CHPT1: variants seen among roughly 807,000 people sequenced by gnomAD.
CHPT1 encodes cholinephosphotransferase 1.
In CHPT1, 36 loss-of-function variants were observed where a neutral mutation model predicts 47.6. The ratio of observed to expected loss-of-function variants is 0.76; its 90% CI spans 0.58 to 1.00. The LOEUF (loss-of-function observed/expected upper bound fraction) is 1.00, where lower values mean the gene tolerates loss of function less well. CHPT1 is among the 50% of genes least tolerant of loss of function. The pLI is 0.00. For synonymous variants in CHPT1, 194 were observed against 186.3 expected (o/e 1.04, Z -0.33); for missense variants, 458 against 498.1 (o/e 0.92, Z 0.77).
chr12:101,728,837 A>AC (rs536338143), intron 8 of CHPT1, 64 bp from the exon 9 acceptor site: 231 of 1,572,236 alleles, frequency 1.5e-4, no homozygotes, highest in Non-Finnish European at 2.0e-4. Flanking sequence ...TGTTACAATT[A>AC]AACTATTCTA....
chr12:101,720,097 ATTGT>A lies in CHPT1; in HGVS notation c.649-23_649-20del, dbSNP rs758375136. ...AAAAAACCAAAATTCTGTTGTCTTA[ATTGT>A]TTCTTTCTTCTACCCCTAAAGATTC... On this transcript the variant is annotated intron_variant, in intron 4 of 8. Coordinates refer to ENST00000229266, the MANE Select transcript of CHPT1 (RefSeq NM_020244.3). 1.9e-6 allele frequency: 3 copies of A among 1,540,692 alleles called. No individual in the cohort carries two copies. In the South Asian group the frequency reaches 3.7e-5, roughly 19 times the overall value.
At position 101,721,857 on chromosome 12, in the gene CHPT1, A is replaced by G. The variant is rs981244868; in HGVS notation, c.781-1311A>G. Among the ~76,000 whole-genome samples, 48 of 152,068 alleles carry G rather than the reference A, an allele frequency of 3.2e-4. 1 individual carries two copies. The highest frequency in any genetic ancestry group is 5.9e-5 in the Non-Finnish European group (4 of 67,994). On this transcript the variant is annotated intron_variant, in intron 5 of 8. Transcript: ENST00000229266. ...GGGCAGATCATTAGGTCAGGAGTTCAAGACCAGTCTGGCCAACACAATGAA... is the reference window on the plus strand; with the variant it reads ...GGGCAGATCATTAGGTCAGGAGTTCGAGACCAGTCTGGCCAACACAATGAA...
rs757602664 is a variant in CHPT1 at position 101,714,107 on chromosome 12, C to A, written c.291C>A (p.Tyr97Ter). The A allele has an allele frequency of 6.2e-7, 1 of 1,606,354 alleles. No homozygotes were observed. Among genetic ancestry groups the A allele is most frequent in the Non-Finnish European group, 8.5e-7 (1 of 1,174,470 alleles). The change falls in exon 2 of 9, where the codon TAC becomes TAA. Residue 97 changes from tyrosine to a stop codon, truncating the protein, a stop_gained. Transcript: ENST00000229266. LOFTEE classifies it high-confidence loss of function. ...TTTTATAGGCACCATACTGGACATA[C>A]CTTTTATGTGCACTGGGACTTTTTA... ...TATEEAPYWT[Y>*]LLCALGLFIY...
chr12:101,718,217 G>C (rs1016805874), intron 4 of CHPT1, among the ~76,000 whole-genome samples: 10 of 152,092 alleles, frequency 6.6e-5, no homozygotes, highest in African/African-American at 2.2e-4. Flanking sequence ...TTATACATTC[G>C]TCATAGCACA....
chr12:101,718,302 T>C (rs191114812), intron 4 of CHPT1, among the ~76,000 whole-genome samples: 31 of 152,338 alleles, frequency 2.0e-4, no homozygotes, highest in African/African-American at 7.5e-4. Context: ...TCAATGTAGG[T>C]TCACCAGTTG....
In CHPT1 at chr12:101,697,711, C is replaced by A. The variant is rs921876554; in HGVS notation, c.-151C>A. The A allele has an allele frequency of 1.6e-5, 3 of 187,232 alleles. No individual in the cohort carries two copies. The highest frequency in any genetic ancestry group is 7.2e-5 in the African/African-American group (3 of 41,950). 11.6% of individuals were successfully genotyped at this position (187,232 alleles called of 1,614,324 possible). A position where few individuals can be genotyped will look rare whatever the true frequency, so the allele number is the denominator to read the frequency against. ...GGGCCCCGGCAGCCGGGCAGGCCGG[C>A]CTGACCTCGACCTCCGCCGTGCGGG... On this transcript the variant is annotated 5_prime_UTR_variant, in exon 1 of 9. Transcript: ENST00000229266.
Position 101,723,780 on chromosome 12 carries a change from G to A in CHPT1, c.998G>A (p.Gly333Asp), listed in dbSNP as rs141024430. The A allele has an allele frequency of 1.3e-6, 2 of 1,587,874 alleles. No homozygotes were observed. The highest frequency in any genetic ancestry group is 1.7e-6 in the Non-Finnish European group (2 of 1,159,844). ...CAAGACACTGTCTTTTTGGGGCCAG[G>A]TCTTTTGTTTTTAGACCAGTACTTT... ...YLQDTVFLGPGLLFLDQYFNN... is the reference protein window; with the variant it reads ...YLQDTVFLGPDLLFLDQYFNN... The change falls in exon 7 of 9, where the codon GGT (glycine) becomes GAT (aspartate). Residue 333 changes from glycine (G) to aspartate (D), a missense_variant. By Grantham distance (94) the Gly-to-Asp change is moderately conservative. Coordinates refer to ENST00000229266, the MANE Select transcript of CHPT1 (RefSeq NM_020244.3).
At chr12:101,723,663 G>A (rs569832616) in intron 6 of CHPT1, 59 bp from the exon 7 acceptor site, 861 of 1,059,342 alleles carry the variant, frequency 8.1e-4, no homozygotes, top group Admixed American at 1.1e-3. Context: ...TAATTCTGTC[G>A]TAAAAGCTAA....
intron 5 of CHPT1, among the ~76,000 whole-genome samples, 195 bp from the exon 6 acceptor site, chr12:101,722,973 T>C (rs562275759): frequency 6.6e-6 from 1 of 152,226 alleles, no homozygotes; most frequent in Non-Finnish European, 1.5e-5. Flanking sequence ...TCTGTGGCAC[T>C]GTATTATGTC....
intron 1 of CHPT1, among the ~76,000 whole-genome samples, chr12:101,706,737 GA>G (rs1376388079): frequency 6.6e-6 from 1 of 151,858 alleles, no homozygotes; most frequent in Non-Finnish European, 1.5e-5. Flanking sequence ...ACTCTTATTT[GA>G]AAAAATGGGA....
chr12:101,719,817 A>G, intron 4 of CHPT1: 3 of 227,416 alleles, frequency 1.3e-5, no homozygotes, highest in Non-Finnish European at 8.6e-6. Flanking sequence ...AGGCTGGTCC[A>G]ATGGTAGTCA....
chr12:101,723,370 C>T lies in CHPT1; in HGVS notation c.939+44C>T, dbSNP rs771566200. 71 of 1,153,278 alleles carry T rather than the reference C, an allele frequency of 6.2e-5. No homozygotes were observed. The Admixed American group carries it at 1.4e-3, about 23-fold the overall frequency. 71.4% of individuals were successfully genotyped at this position (1,153,278 alleles called of 1,614,324 possible). On this transcript the variant is annotated intron_variant, in intron 6 of 8. Transcript: ENST00000229266. ...TCATGATATAAATAATATACTTAGT[C>T]GTCAAACACAAAGCTGGAAATTATT...
intron 1 of CHPT1, among the ~76,000 whole-genome samples, chr12:101,712,260 A>T (rs150983807): frequency 6.7e-6 from 1 of 148,280 alleles, no homozygotes; most frequent in African/African-American, 2.4e-5. Context: ...GGCTTAAGCA[A>T]TCTGCCCACC....
At chr12:101,717,568 ATATTAT>A (rs375879506) in intron 4 of CHPT1, among the ~76,000 whole-genome samples, 123 of 152,306 alleles carry the variant, frequency 8.1e-4, no homozygotes, top group African/African-American at 2.7e-3. Context: ...TATAAAATAG[ATATTAT>A]TAGTATTATG....
At chr12:101,713,985 C>T in intron 1 of CHPT1, 105 bp from the exon 2 acceptor site, 1 of 661,738 alleles carries the variant, frequency 1.5e-6, no homozygotes, top group Non-Finnish European at 2.5e-6. Flanking sequence ...TAGAAATGTT[C>T]TTTATAACAC....
At chr12:101,727,029 G>C (rs1444120633) in intron 8 of CHPT1, 1 of 152,134 alleles carries the variant, frequency 6.6e-6, no homozygotes, top group Admixed American at 6.6e-5. Flanking sequence ...TGTTGTACCA[G>C]TTCAGAAAAA....
chr12:101,720,970 A>G (rs1951841070), intron 5 of CHPT1, among the ~76,000 whole-genome samples: 1 of 152,212 alleles, frequency 6.6e-6, no homozygotes, highest in Non-Finnish European at 1.5e-5. Context: ...ACCATCTTAT[A>G]CCAAACCATT....
At chr12:101,703,783 G>T (rs979924140) in intron 1 of CHPT1, among the ~76,000 whole-genome samples, 2 of 152,146 alleles carry the variant, frequency 1.3e-5, no homozygotes, top group Non-Finnish European at 2.9e-5. Flanking sequence ...GCAGTTGCAG[G>T]AATGGAGCAA....
Position 101,723,832 on chromosome 12 carries a change from T to C in CHPT1, c.1050T>C (p.Val350=), listed in dbSNP as rs1308542557. The C allele has an allele frequency of 2.0e-6, 3 of 1,519,386 alleles. No individual in the cohort carries two copies. Among genetic ancestry groups the C allele is most frequent in the Non-Finnish European group, 2.7e-6 (3 of 1,105,580 alleles). The allele number at this position is 1,519,386 out of a possible 1,614,324, so 94.1% of individuals were successfully genotyped here. ...YFNNFIDEYV[V]LWMAMVISSF... ...ATAACTTTATAGACGAATATGTTGT[T>C]CTATGGATGGCAATGGTAAGTATTT... The change falls in exon 7 of 9, where the codon GTT becomes GTC. Residue 350 remains valine (V), a synonymous_variant. Coordinates refer to ENST00000229266, the MANE Select transcript of CHPT1 (RefSeq NM_020244.3).
Sources: gnomAD v4.1 joint callset for allele counts (sites outside exome capture counted in the v4.1 genomes callset) on GRCh38, gnomAD v4.1.1 for gene constraint, MANE v1.5 for transcripts, NCBI Gene and HGNC (gene_info 2026-07-23, HGNC 2026-07-21) for gene names.